ARL15: variants seen among roughly 807,000 people sequenced by gnomAD.
ARL15 encodes the protein ARF like GTPase 15.
Under a neutral mutation model 25.2 loss-of-function variants are expected in ARL15, and 19 were observed. That is an observed-to-expected ratio of 0.75 (90% CI 0.53 to 1.10). The LOEUF (loss-of-function observed/expected upper bound fraction) is 1.10, where lower values mean the gene tolerates loss of function less well. ARL15 is among the 50% of genes least tolerant of loss of function. The pLI is 0.00. For synonymous variants in ARL15, 94 were observed against 86.8 expected (o/e 1.08, Z -0.46); for missense variants, 220 against 246.0 (o/e 0.89, Z 0.71).
chr5:54,132,915 C>T (rs1432157702), intron 3 of ARL15, among the ~76,000 whole-genome samples: 2 of 152,006 alleles, frequency 1.3e-5, no homozygotes, highest in Non-Finnish European at 2.9e-5. Flanking sequence ...TGGTATGGTA[C>T]CATTTTTCAC....
chr5:54,214,702 C>T (rs1756132528), intron 1 of ARL15, among the ~76,000 whole-genome samples: 1 of 152,132 alleles, frequency 6.6e-6, no homozygotes, highest in Non-Finnish European at 1.5e-5. Flanking sequence ...GTGGCCATTT[C>T]CATTCTTCTG....
chr5:54,191,466 A>T (rs1351566498), intron 1 of ARL15, among the ~76,000 whole-genome samples: 1 of 149,620 alleles, frequency 6.7e-6, no homozygotes, highest in African/African-American at 2.5e-5. Flanking sequence ...AAGATGGTGA[A>T]TTTTATATGT....
At chr5:54,129,907 A>T (rs757381324) in intron 3 of ARL15, among the ~76,000 whole-genome samples, 19 of 152,334 alleles carry the variant, frequency 1.2e-4, no homozygotes, top group Admixed American at 2.0e-4. Flanking sequence ...AATTAAAATC[A>T]ATTGTAAAGT....
At chr5:54,298,236 C>T (rs1349290553) in intron 1 of ARL15, among the ~76,000 whole-genome samples, 1 of 152,140 alleles carries the variant, frequency 6.6e-6, no homozygotes, top group Non-Finnish European at 1.5e-5. Context: ...TAACCCTTAC[C>T]AATCTAACGG....
intron 1 of ARL15, among the ~76,000 whole-genome samples, chr5:54,304,352 G>A (rs1055018651): frequency 2.6e-5 from 4 of 152,222 alleles, no homozygotes; most frequent in African/African-American, 9.6e-5. Context: ...CACTGGCACA[G>A]AGTAAGTGTT....
intron 4 of ARL15, among the ~76,000 whole-genome samples, chr5:54,080,308 G>A (rs753505179): frequency 2.0e-5 from 3 of 152,190 alleles, no homozygotes; most frequent in African/African-American, 7.2e-5. Context: ...AAAAGACATC[G>A]CTGCTACGCA....
chr5:54,154,036 A>T (rs1425446664), intron 3 of ARL15, among the ~76,000 whole-genome samples: 1 of 152,230 alleles, frequency 6.6e-6, no homozygotes, highest in African/African-American at 2.4e-5. Flanking sequence ...TGACTAACAT[A>T]AAACACAACC....
chr5:53,895,750 T>C (rs1192314890), intron 4 of ARL15, among the ~76,000 whole-genome samples: 2 of 151,818 alleles, frequency 1.3e-5, no homozygotes, highest in East Asian at 3.8e-4. Flanking sequence ...TTTGGGTGCA[T>C]TTATAAACTA....
At chr5:54,022,328 T>C (rs544529753) in intron 4 of ARL15, among the ~76,000 whole-genome samples, 9 of 152,124 alleles carry the variant, frequency 5.9e-5, no homozygotes, top group African/African-American at 2.2e-4. Flanking sequence ...CTCCTCACCC[T>C]CCTCCAGTCC....
chr5:53,894,170 T>A (rs1251510891), intron 4 of ARL15, among the ~76,000 whole-genome samples: 2 of 152,218 alleles, frequency 1.3e-5, no homozygotes, highest in Non-Finnish European at 2.9e-5. Context: ...CATAAGATGC[T>A]TCTTTCTTAA....
intron 3 of ARL15, among the ~76,000 whole-genome samples, chr5:54,120,508 T>C (rs1753038366): frequency 6.6e-6 from 1 of 152,148 alleles, no homozygotes. Context: ...ACAGAATCAG[T>C]ACCCAAGAGA....
At chr5:53,910,841 G>C (rs371673647) in intron 4 of ARL15, among the ~76,000 whole-genome samples, 1 of 151,500 alleles carries the variant, frequency 6.6e-6, no homozygotes, top group African/African-American at 2.4e-5. Flanking sequence ...AATTGGAAAA[G>C]TGATTCGACC....
intron 1 of ARL15, among the ~76,000 whole-genome samples, chr5:54,291,403 T>C (rs181780844): frequency 5.3e-4 from 81 of 152,374 alleles, no homozygotes; most frequent in African/African-American, 1.9e-3. Flanking sequence ...ACATCATCTC[T>C]AGATTACTTA....
chr5:53,952,245 G>C (rs1280993107), intron 4 of ARL15, among the ~76,000 whole-genome samples: 1 of 152,132 alleles, frequency 6.6e-6, no homozygotes, highest in Non-Finnish European at 1.5e-5. Context: ...CTGGGCAACA[G>C]AGTGAGACTC....
chr5:54,021,454 GAACTA>G (rs1480249743), intron 4 of ARL15, among the ~76,000 whole-genome samples: 1 of 152,110 alleles, frequency 6.6e-6, no homozygotes, highest in African/African-American at 2.4e-5. Flanking sequence ...ATAAACTTTA[GAACTA>G]AACAATACAA....
chr5:53,904,416 G>T (rs1269208616), intron 4 of ARL15, among the ~76,000 whole-genome samples: 1 of 152,166 alleles, frequency 6.6e-6, no homozygotes, highest in Non-Finnish European at 1.5e-5. Context: ...CTATTCCTAT[G>T]AAAAACTAAA....
chr5:54,219,170 A>C (rs1756303449), intron 1 of ARL15, among the ~76,000 whole-genome samples: 1 of 152,166 alleles, frequency 6.6e-6, no homozygotes, highest in African/African-American at 2.4e-5. Flanking sequence ...TTATTAATTA[A>C]AAGCAGCTCT....
chr5:54,242,680 G>C (rs1350400962), intron 1 of ARL15, among the ~76,000 whole-genome samples: 2 of 152,188 alleles, frequency 1.3e-5, no homozygotes, highest in African/African-American at 2.4e-5. Flanking sequence ...TGAAGATGGA[G>C]ACAGCATAGA....
intron 4 of ARL15, among the ~76,000 whole-genome samples, chr5:54,064,468 T>G (rs1337017797): frequency 6.6e-6 from 1 of 152,138 alleles, no homozygotes. Context: ...TAACCACATA[T>G]AACAATGGAA....
Sources: allele counts gnomAD v4.1 joint callset (sites outside exome capture counted in the v4.1 genomes callset), GRCh38; gene constraint gnomAD v4.1.1; transcripts MANE v1.5; gene names NCBI Gene and HGNC (gene_info 2026-07-23, HGNC 2026-07-21).